TMEM9B: variants seen among roughly 807,000 people sequenced by gnomAD.
TMEM9B encodes the protein TMEM9 domain family member B.
A neutral mutation model predicts 23.5 loss-of-function variants in TMEM9B; 8 were observed. The ratio of observed to expected loss-of-function variants is 0.34; its 90% CI spans 0.20 to 0.61. The LOEUF is 0.61. Among genes scored for constraint, TMEM9B ranks in the 20% least tolerant of loss-of-function variants. The pLI, the probability that TMEM9B is intolerant of heterozygous loss-of-function variation, is 0.78. For synonymous variants in TMEM9B, 106 were observed against 96.3 expected, an observed-to-expected ratio of 1.10 and a Z score of -0.59; for missense variants, 197 against 252.3, an observed-to-expected ratio of 0.78 and a Z score of 1.49.
intron 2 of TMEM9B, among the ~76,000 whole-genome samples, chr11:8,958,234 G>A (rs7942026): frequency 0.59 from 87,485 of 148,036 alleles, 26,222 homozygotes; most frequent in East Asian, 0.76. Flanking sequence ...AGGCCGAGGC[G>A]GTTGGATCAT....
intron 1 of TMEM9B, among the ~76,000 whole-genome samples, chr11:8,963,204 G>T (rs746797891): frequency 6.6e-6 from 1 of 152,250 alleles, no homozygotes; most frequent in Non-Finnish European, 1.5e-5. Flanking sequence ...GTCAGGAGAC[G>T]TGCTGCTGTC....
At chr11:8,951,546 T>C (rs183967012) in intron 4 of TMEM9B, among the ~76,000 whole-genome samples, 222 of 142,698 alleles carry the variant, frequency 1.6e-3, no homozygotes, top group African/African-American at 5.6e-3. Context: ...GGTCAGGAGA[T>C]TGAGACCATC....
rs1295598177 is a variant in TMEM9B, at chr11:8,947,385, G to A, written c.*935C>T. ...CCAATAATGGTTAGACCTTTCAGAA[G>A]AGGCACCCACAACCCCAGCCCTAGT... On this transcript the variant is annotated 3_prime_UTR_variant, in exon 5 of 5. Coordinates refer to ENST00000534025, the MANE Select transcript of TMEM9B (RefSeq NM_020644.3). 1 of 152,598 alleles carries A rather than the reference G, an allele frequency of 6.6e-6. No individual in the cohort carries two copies. The highest frequency in any genetic ancestry group is 2.4e-5 in the African/African-American group (1 of 41,422). The allele number at this position is 152,598 out of a possible 1,614,324, so 9.5% of individuals were successfully genotyped here. A position where few individuals can be genotyped will look rare whatever the true frequency, so the allele number is the denominator to read the frequency against.
chr11:8,951,831 C>T (rs1041143187), intron 4 of TMEM9B, among the ~76,000 whole-genome samples: 1 of 145,434 alleles, frequency 6.9e-6, no homozygotes, highest in African/African-American at 2.5e-5. Context: ...TCCAGCCAGG[C>T]GCAGTGGCTC....
intron 2 of TMEM9B, among the ~76,000 whole-genome samples, chr11:8,956,668 G>T (rs1447892591): frequency 6.6e-6 from 1 of 152,092 alleles, no homozygotes; most frequent in Non-Finnish European, 1.5e-5. Flanking sequence ...AAGTGATATG[G>T]GGCACTGTTC....
chr11:8,958,823 G>A (rs1244012296), intron 2 of TMEM9B, among the ~76,000 whole-genome samples: 1 of 151,936 alleles, frequency 6.6e-6, no homozygotes, highest in Non-Finnish European at 1.5e-5. Context: ...TGCCTGCCTC[G>A]GCCTCCCAAA....
At chr11:8,960,463 G>C (rs1433703841) in intron 2 of TMEM9B, among the ~76,000 whole-genome samples, 2 of 151,826 alleles carry the variant, frequency 1.3e-5, no homozygotes, top group Non-Finnish European at 2.9e-5. Flanking sequence ...CAAAGCCAAA[G>C]CTATTTTTAC....
At chr11:8,952,906 T>C (rs1853910616) in intron 4 of TMEM9B, 1 of 563,152 alleles carries the variant, frequency 1.8e-6, no homozygotes, top group Non-Finnish European at 3.1e-6. Flanking sequence ...AAACCATCTC[T>C]GATACTTTTC....
At chr11:8,954,704 A>T (rs1256759991) in intron 3 of TMEM9B, among the ~76,000 whole-genome samples, 2 of 152,260 alleles carry the variant, frequency 1.3e-5, no homozygotes, top group Non-Finnish European at 2.9e-5. Context: ...GTTAAATAAT[A>T]GTACAGTGAG....
chr11:8,948,830 T>G (rs1196272885), intron 4 of TMEM9B, among the ~76,000 whole-genome samples: 1 of 152,228 alleles, frequency 6.6e-6, no homozygotes, highest in Non-Finnish European at 1.5e-5. Flanking sequence ...TCTATTTTCA[T>G]GTTAACATCT....
upstream of TMEM9B, chr11:8,964,641 G>T: frequency 2.7e-6 from 1 of 366,528 alleles, no homozygotes. Context: ...TATCTTTCCC[G>T]GGCGCAGAAG....
intron 1 of TMEM9B, 183 bp downstream of exon 1, chr11:8,964,026 G>A (rs1355296076): frequency 3.2e-6 from 2 of 620,540 alleles, no homozygotes; most frequent in East Asian, 3.1e-5. Context: ...CGGGGCTGAG[G>A]GCGAGAGTGC....
At chr11:8,949,330 AATCT>A (rs1385892580) in intron 4 of TMEM9B, among the ~76,000 whole-genome samples, 1 of 152,256 alleles carries the variant, frequency 6.6e-6, no homozygotes, top group East Asian at 1.9e-4. Flanking sequence ...CCACCATGCT[AATCT>A]ATCTATGAAT....
chr11:8,950,620 G>A (rs188986076), intron 4 of TMEM9B, among the ~76,000 whole-genome samples: 49 of 152,254 alleles, frequency 3.2e-4, no homozygotes, highest in African/African-American at 1.2e-3. Context: ...ACAGATGCTG[G>A]GGGAATGCAA....
Position 8,962,135 on chromosome 11 carries a change from T to C in TMEM9B, c.154A>G (p.Asn52Asp). The change falls in exon 2 of 5, where the codon AAT becomes GAT. Residue 52 changes from asparagine (N) to aspartate (D), a missense_variant. Around this residue, in one of 2 missense-constraint regions of TMEM9B, gnomAD observed 141 missense variants for 214.1 expected, o/e 0.66. Coordinates refer to ENST00000534025, the MANE Select transcript of TMEM9B (RefSeq NM_020644.3). The stretch of plus-strand genomic sequence containing the variant: ...TTCTTATTATAAATATGCCCAGAAT[T>C]TTCTTTATAGGGAGGGCAGATACAT... ...CKCICPPYKE[N>D]SGHIYNKNIS... The C allele has an allele frequency of 6.2e-7, 1 of 1,602,782 alleles. No homozygotes were observed. Among genetic ancestry groups the C allele is most frequent in the East Asian group, 2.2e-5 (1 of 44,572 alleles).
chr11:8,948,210 C>CTG lies in TMEM9B; in HGVS notation c.*109_*110insCA. On this transcript the variant is annotated 3_prime_UTR_variant, in exon 5 of 5. Coordinates refer to ENST00000534025, the MANE Select transcript of TMEM9B (RefSeq NM_020644.3). ...TTGCTTCCAGTTTTGAATCTTCCAG[C>CTG]AACAGTTGGTGAAATCAACAAGGTA... 2 of 1,358,092 alleles carry CTG rather than the reference C, an allele frequency of 1.5e-6. No homozygotes were observed. Among genetic ancestry groups the CTG allele is most frequent in the Non-Finnish European group, 2.0e-6 (2 of 1,005,892 alleles). 84.1% of individuals were successfully genotyped at this position (1,358,092 alleles called of 1,614,324 possible).
At position 8,956,251 on chromosome 11, in the gene TMEM9B, A is replaced by C. The variant is rs566079337; in HGVS notation, c.245T>G (p.Val82Gly). The change falls in exon 3 of 5, where the codon GTA becomes GGA. Residue 82 changes from valine (V) to glycine (G), a missense_variant. Val to Gly is a moderately radical substitution (Grantham distance 109, BLOSUM62 -3). Coordinates refer to ENST00000534025, the MANE Select transcript of TMEM9B (RefSeq NM_020644.3). Reference sequence around the variant, plus strand: ...TTCACAGCGTAGACAGTATGCTTCTACATCAGGCCCCCGCACAGGCATGGG... The same window carrying C: ...TTCACAGCGTAGACAGTATGCTTCTCCATCAGGCCCCCGCACAGGCATGGG... Reference protein sequence around the residue: ...VEPMPVRGPDVEAYCLRCECK... With the variant: ...VEPMPVRGPDGEAYCLRCECK... The C allele has an allele frequency of 2.5e-6, 4 of 1,613,814 alleles. No homozygotes were observed. The highest frequency in any genetic ancestry group is 3.4e-6 in the Non-Finnish European group (4 of 1,180,040).
chr11:8,948,528 T>A, intron 4 of TMEM9B, 53 bp from the exon 5 acceptor site: 1 of 1,581,694 alleles, frequency 6.3e-7, no homozygotes, highest in Non-Finnish European at 8.6e-7. Context: ...GTGTAAAACA[T>A]AGACACACAA....
At chr11:8,963,898 G>T in intron 1 of TMEM9B, 1 of 405,812 alleles carries the variant, frequency 2.5e-6, no homozygotes, top group Non-Finnish European at 4.4e-6. Context: ...GTTGTCAAGT[G>T]TAAGATGCGT....
Sources: gnomAD v4.1 joint callset for allele counts (sites outside exome capture counted in the v4.1 genomes callset) on GRCh38, gnomAD v4.1.1 for gene constraint, gnomAD v4.1.1 regional missense constraint, MANE v1.5 for transcripts, NCBI Gene and HGNC (gene_info 2026-07-23, HGNC 2026-07-21) for gene names.